The following PADI1 variants were observed in gnomAD, a reference collection of about 807,000 sequenced individuals.
The protein encoded by PADI1 is protein-arginine deiminase type-1.
In PADI1, 65 loss-of-function variants were observed where a neutral mutation model predicts 74.8. The ratio of observed to expected loss-of-function variants is 0.87; its 90% confidence interval spans 0.71 to 1.07. The LOEUF is 1.07. Ranked by LOEUF, PADI1 falls within the 50% of genes least tolerant of loss-of-function variation. The pLI, the probability that PADI1 is intolerant of heterozygous loss-of-function variation, is 0.00. For missense variants in PADI1, 943 were observed against 854.0 expected, an observed-to-expected ratio of 1.10 and a Z score of -1.30; for synonymous variants, 371 against 336.2, an observed-to-expected ratio of 1.10 and a Z score of -1.13.
At chr1:17,233,057 C>T in intron 11 of PADI1, 87 bp downstream of exon 11, 1 of 1,246,600 alleles carries the variant, frequency 8.0e-7, no homozygotes. Flanking sequence ...AACACAATTC[C>T]CCAGTCTGAG....
intron 9 of PADI1, 27 bp downstream of exon 9, chr1:17,230,235 C>A: frequency 6.2e-7 from 1 of 1,605,056 alleles, no homozygotes. Context: ...GCTCGGGAAG[C>A]CTGCAGCCTG....
At chr1:17,210,338 A>T (rs1465662065) in intron 1 of PADI1, among the ~76,000 whole-genome samples, 1 of 151,672 alleles carries the variant, frequency 6.6e-6, no homozygotes. Flanking sequence ...TTTCCATTTT[A>T]CCTTGAGGAA....
intron 1 of PADI1, among the ~76,000 whole-genome samples, chr1:17,206,227 G>C (rs150025125): frequency 2.0e-5 from 3 of 152,200 alleles, no homozygotes; most frequent in African/African-American, 7.2e-5. Context: ...TACTGGGTGA[G>C]ATCTGAGCTC....
chr1:17,235,450 G>A (rs2072618803), intron 11 of PADI1, among the ~76,000 whole-genome samples: 1 of 152,148 alleles, frequency 6.6e-6, no homozygotes, highest in African/African-American at 2.4e-5. Flanking sequence ...GGATGGACCG[G>A]TAGGACCTCA....
chr1:17,206,079 T>C (rs2071674965), intron 1 of PADI1, among the ~76,000 whole-genome samples: 1 of 152,208 alleles, frequency 6.6e-6, no homozygotes, highest in Admixed American at 6.5e-5. Flanking sequence ...GATTTGGTGA[T>C]CTCTGGTGGC....
At chr1:17,221,676 G>A (rs765571552) in intron 1 of PADI1, among the ~76,000 whole-genome samples, 1 of 152,100 alleles carries the variant, frequency 6.6e-6, no homozygotes, top group Non-Finnish European at 1.5e-5. Context: ...CAGCAGGAGC[G>A]GGCAGTGCCA....
At chr1:17,207,054 G>C (rs376258148) in intron 1 of PADI1, among the ~76,000 whole-genome samples, 2 of 152,130 alleles carry the variant, frequency 1.3e-5, no homozygotes, top group South Asian at 4.1e-4. Context: ...GTAGGAAAAG[G>C]GTCCCTTGCA....
rs757823246 is a variant in PADI1, at chr1:17,225,934, T to C, written c.526+6T>C. On this transcript the variant is annotated splice_donor_region_variant and intron_variant, in intron 5 of 15. Transcript: ENST00000375471. ...CTGGCTGATGTCGCTGGCTGGTGAG[T>C]GACACAAGGTGTTGTCTGGGGAGTG... The C allele has an allele frequency of 1.9e-6, 3 of 1,612,588 alleles. No homozygotes were observed. The highest frequency in any genetic ancestry group is 3.3e-5 in the Admixed American group (2 of 59,930).
chr1:17,205,342 A>C, intron 1 of PADI1, 33 bp downstream of exon 1: 2 of 1,566,344 alleles, frequency 1.3e-6, no homozygotes, highest in Non-Finnish European at 1.8e-6. Context: ...CTGGCTGCAG[A>C]GAGCTGGGTT....
chr1:17,230,476 C>T (rs985472336), intron 9 of PADI1, 96 bp from the exon 10 acceptor site: 14 of 856,134 alleles, frequency 1.6e-5, no homozygotes, highest in African/African-American at 6.8e-5. Context: ...AGGGAAGACC[C>T]GCTGCCCTGC....
At position 17,238,617 on chromosome 1, in the gene PADI1, G is replaced by C. The variant is rs1320933858; in HGVS notation, c.1460G>C (p.Gly487Ala). The change falls in exon 13 of 16, where the codon GGC becomes GCC. Residue 487 changes from glycine to alanine, a missense_variant and splice_region_variant. Gly to Ala is a moderately conservative substitution (Grantham distance 60, BLOSUM62 0). Transcript: ENST00000375471. ...CCATTCTCCCTCCCTCCGTGCCAGG[G>C]CTTCCGGCTGCTCCTGGCTAGCCCC... ...LTFVPTSDQK[G>A]FRLLLASPSA... 1 of 1,497,574 alleles carries C rather than the reference G, an allele frequency of 6.7e-7. No individual in the cohort carries two copies. Among genetic ancestry groups the C allele is most frequent in the South Asian group, 1.3e-5 (1 of 76,836 alleles). 92.8% of individuals were successfully genotyped at this position (1,497,574 alleles called of 1,614,324 possible).
chr1:17,210,914 G>A (rs922168244), intron 1 of PADI1, among the ~76,000 whole-genome samples: 2 of 152,214 alleles, frequency 1.3e-5, no homozygotes, highest in Non-Finnish European at 2.9e-5. Flanking sequence ...AGGGCCGTCT[G>A]CTCCCGGGCA....
At chr1:17,214,253 G>A (rs1569757207) in intron 1 of PADI1, among the ~76,000 whole-genome samples, 1 of 152,130 alleles carries the variant, frequency 6.6e-6, no homozygotes, top group East Asian at 1.9e-4. Flanking sequence ...CCAGTTGGAG[G>A]CCATGCTCCA....
intron 6 of PADI1, among the ~76,000 whole-genome samples, chr1:17,228,327 C>T (rs1289035343): frequency 6.6e-6 from 1 of 152,236 alleles, no homozygotes; most frequent in Admixed American, 6.5e-5. Context: ...GAATATATTA[C>T]ATTTTGCATA....
rs2072862447 is a variant in PADI1, at chr1:17,245,348, C to A, written c.*1105C>A. The A allele has an allele frequency of 6.6e-6, 1 of 152,648 alleles. No homozygotes were observed. The highest frequency in any genetic ancestry group is 1.5e-5 in the Non-Finnish European group (1 of 68,056). The allele number at this position is 152,648 out of a possible 1,614,324, so 9.5% of individuals were successfully genotyped here. On this transcript the variant is annotated 3_prime_UTR_variant, in exon 16 of 16. Coordinates refer to ENST00000375471, the MANE Select transcript of PADI1 (RefSeq NM_013358.3). The surrounding 1 kb of genome is among the most constrained non-coding windows in gnomAD (Gnocchi z 4.1). Reference sequence around the variant, plus strand: ...ATCCCTGAATAAACCGCTGTGCAGGCCCATGTCCCCTCCCACAGTAGGGAA... The same window carrying A: ...ATCCCTGAATAAACCGCTGTGCAGGACCATGTCCCCTCCCACAGTAGGGAA...
intron 1 of PADI1, among the ~76,000 whole-genome samples, chr1:17,219,861 G>A (rs543261719): frequency 6.6e-6 from 1 of 152,100 alleles, no homozygotes; most frequent in African/African-American, 2.4e-5. Context: ...CTGAAGGGGA[G>A]GCCATGCCTG....
intron 2 of PADI1, chr1:17,223,403 C>A: frequency 1.8e-6 from 1 of 569,712 alleles, no homozygotes; most frequent in Non-Finnish European, 3.1e-6. Context: ...GCTCCTCACA[C>A]CTGCTCTGGG....
intron 1 of PADI1, among the ~76,000 whole-genome samples, chr1:17,215,568 A>G (rs976301067): frequency 3.9e-5 from 6 of 152,064 alleles, no homozygotes; most frequent in African/African-American, 1.4e-4. Context: ...GGAGTCACCC[A>G]TGAGCTAGAA....
Position 17,238,618 on chromosome 1 carries a change from C to T in PADI1, c.1461C>T (p.Gly487=). 1 of 1,499,674 alleles carries T rather than the reference C, an allele frequency of 6.7e-7. No individual in the cohort carries two copies. The highest frequency in any genetic ancestry group is 9.0e-7 in the Non-Finnish European group (1 of 1,113,388). 92.9% of individuals were successfully genotyped at this position (1,499,674 alleles called of 1,614,324 possible). ...CATTCTCCCTCCCTCCGTGCCAGGG[C>T]TTCCGGCTGCTCCTGGCTAGCCCCA... The part of the protein sequence containing the change: ...LTFVPTSDQK[G]FRLLLASPSA... Residue 487 remains glycine (G), a splice_region_variant and synonymous_variant, in exon 13 of 16, where the codon GGC becomes GGT. Coordinates refer to ENST00000375471, the MANE Select transcript of PADI1 (RefSeq NM_013358.3).
Sources: allele counts gnomAD v4.1 joint callset (sites outside exome capture counted in the v4.1 genomes callset), GRCh38; gene constraint gnomAD v4.1.1; non-coding constraint Gnocchi (gnomAD v3.1); transcripts MANE v1.5; gene names NCBI Gene and HGNC (gene_info 2026-07-23, HGNC 2026-07-21).